Variants in RNF115 observed in about 807,000 individuals in gnomAD.
RNF115 encodes ring finger protein 115.
In RNF115, 31 loss-of-function variants were observed where a neutral mutation model predicts 39.2. That is an observed-to-expected ratio of 0.79 (90% CI 0.59 to 1.07). RNF115 has a LOEUF of 1.07. RNF115 is among the 50% of genes least tolerant of loss of function. RNF115 has a pLI of 0.00. For synonymous variants in RNF115, 124 were observed against 131.0 expected, an observed-to-expected ratio of 0.95 and a Z score of 0.37; for missense variants, 384 against 381.7, an observed-to-expected ratio of 1.01 and a Z score of -0.05.
rs587699156 is a variant in RNF115, at chr1:145,784,207, G to C, written c.219+332C>G. Among the ~76,000 whole-genome samples, 38 of 152,290 alleles carry C rather than the reference G, an allele frequency of 2.5e-4. No individual in the cohort carries two copies. In the South Asian group the frequency reaches 7.5e-3, roughly 30 times the overall value. On this transcript the variant is annotated intron_variant, in intron 3 of 8. Transcript: ENST00000582693. ...TTGTCACACCACTAAAGCAGAGTCT[G>C]CAACACTGTTATTTCAAAAACAGCA...
Position 145,823,974 on chromosome 1 carries a change from G to T in RNF115, c.-101C>A. 1.2e-6 allele frequency: 1 copy of T among 833,232 alleles called. No individual in the cohort carries two copies. Among genetic ancestry groups the T allele is most frequent in the Non-Finnish European group, 1.7e-6 (1 of 585,656 alleles). The allele number at this position is 833,232 out of a possible 1,614,324, so 51.6% of individuals were successfully genotyped here. On this transcript the variant is annotated 5_prime_UTR_variant, in exon 1 of 9. Transcript: ENST00000582693. The stretch of plus-strand genomic sequence containing the variant: ...TCGTCGCCGCCGCCGCCGCCTCGGT[G>T]CGGCCCACCGCTTCAGAGCCCGCGT...
Position 145,789,700 on chromosome 1 carries a change from CTTTTTTTT to C in RNF115, c.103-742_103-735del, listed in dbSNP as rs67276251. ...GGTGTGAGCCACCACACCCGGACTT[CTTTTTTTT>C]TTTTTTTTTTTTTTTTTGAGATGGA... is the stretch of plus-strand genomic sequence containing the variant. On this transcript the variant is annotated intron_variant, in intron 1 of 8. Coordinates refer to ENST00000582693, the MANE Select transcript of RNF115 (RefSeq NM_014455.4). 7.5e-4 allele frequency among the ~76,000 whole-genome samples: 65 copies of C among 86,758 alleles called. No individual in the cohort carries two copies. The East Asian group carries it at 8.7e-3, about 12-fold the overall frequency. The allele number at this position is 86,758 out of a possible 152,430, so 56.9% of individuals were successfully genotyped here.
In RNF115 at chr1:145,746,623, TTAAG is replaced by T. The variant is rs1657889173; in HGVS notation, c.*239_*242del. On this transcript the variant is annotated 3_prime_UTR_variant, in exon 9 of 9. Transcript: ENST00000582693. ...TTCAGACGGGGGGAGCCCTACATAA[TTAAG>T]TTTCACACTTATAAAATTATCACTC... 1 of 447,888 alleles carries T rather than the reference TTAAG, an allele frequency of 2.2e-6. No individual in the cohort carries two copies. The highest frequency in any genetic ancestry group is 3.4e-5 in the South Asian group (1 of 29,598). 27.7% of individuals were successfully genotyped at this position (447,888 alleles called of 1,614,324 possible).
At chr1:145,793,417 C>G (rs1648772213) in intron 1 of RNF115, among the ~76,000 whole-genome samples, 1 of 152,138 alleles carries the variant, frequency 6.6e-6, no homozygotes, top group African/African-American at 2.4e-5. Context: ...ATTCTAATGT[C>G]TAAAATTAAA....
intron 1 of RNF115, among the ~76,000 whole-genome samples, chr1:145,808,358 T>C (rs1477895586): frequency 6.6e-5 from 10 of 152,204 alleles, no homozygotes; most frequent in African/African-American, 1.9e-4. Context: ...TCTGTTATTT[T>C]TGTCTTTTTA....
chr1:145,796,864 T>C (rs1283897744), intron 1 of RNF115, among the ~76,000 whole-genome samples: 4 of 152,182 alleles, frequency 2.6e-5, no homozygotes, highest in African/African-American at 9.7e-5. Context: ...TTTCTATGAA[T>C]TTATAATTTT....
chr1:145,750,530 G>C, intron 6 of RNF115, 30 bp from the exon 7 acceptor site: 1 of 1,560,024 alleles, frequency 6.4e-7, no homozygotes, highest in Non-Finnish European at 8.8e-7. Flanking sequence ...AAAAGACGAA[G>C]TGGCAGACAT....
In RNF115 at chr1:145,771,864, C is replaced by T. The variant is rs1553715822; in HGVS notation, c.275G>A (p.Ser92Asn). ...MFFQDFRPFL[S>N]SSPLDQDNRA... ...ATTATCTTGGTCCAGTGGACTGCTA[C>T]TTAGAAAGGGTCTAAAATCTTGAAA... The change falls in exon 4 of 9, where the codon AGT becomes AAT. Residue 92 changes from serine (S) to asparagine (N), a missense_variant. Transcript: ENST00000582693. 1 of 1,614,106 alleles carries T rather than the reference C, an allele frequency of 6.2e-7. No homozygotes were observed. The highest frequency in any genetic ancestry group is 8.5e-7 in the Non-Finnish European group (1 of 1,180,002).
intron 4 of RNF115, among the ~76,000 whole-genome samples, chr1:145,758,147 G>T (rs1213741490): frequency 6.6e-6 from 1 of 152,174 alleles, no homozygotes; most frequent in African/African-American, 2.4e-5. Flanking sequence ...CAGACAAAAT[G>T]TAGCAGGAAT....
intron 6 of RNF115, 33 bp downstream of exon 6, chr1:145,751,405 C>A: frequency 6.7e-7 from 1 of 1,487,878 alleles, no homozygotes; most frequent in African/African-American, 1.4e-5. Flanking sequence ...ATGAGACACA[C>A]TGAACAGACA....
intron 2 of RNF115, chr1:145,786,987 G>A (rs1346826127): frequency 1.5e-5 from 16 of 1,079,616 alleles, no homozygotes; most frequent in African/African-American, 3.3e-5. Flanking sequence ...CCAATCATTA[G>A]TAAAGTAAAA....
chr1:145,771,868 G>C lies in RNF115; in HGVS notation c.271C>G (p.Leu91Val). 1 of 1,614,084 alleles carries C rather than the reference G, an allele frequency of 6.2e-7. No individual in the cohort carries two copies. The highest frequency in any genetic ancestry group is 8.5e-7 in the Non-Finnish European group (1 of 1,179,988). Residue 91 changes from leucine (L) to valine (V), a missense_variant, in exon 4 of 9, where the codon CTA (leucine) becomes GTA (valine). Leu to Val is a conservative substitution (Grantham distance 32). Transcript: ENST00000582693. ...TCTTGGTCCAGTGGACTGCTACTTAGAAAGGGTCTAAAATCTTGAAAAAAC... is the reference window on the plus strand; with the variant it reads ...TCTTGGTCCAGTGGACTGCTACTTACAAAGGGTCTAAAATCTTGAAAAAAC... ...TMFFQDFRPFLSSSPLDQDNR... is the reference protein window; with the variant it reads ...TMFFQDFRPFVSSSPLDQDNR...
chr1:145,817,605 A>AT (rs1289799787), intron 1 of RNF115, among the ~76,000 whole-genome samples: 2 of 134,194 alleles, frequency 1.5e-5, no homozygotes, highest in African/African-American at 2.6e-5. Context: ...TTCTACACAT[A>AT]TTTTTTTTGA....
intron 1 of RNF115, among the ~76,000 whole-genome samples, chr1:145,801,395 TCTCTA>T (rs1318296287): frequency 6.6e-6 from 1 of 151,698 alleles, no homozygotes; most frequent in East Asian, 2.0e-4. Context: ...CAAAACCCCG[TCTCTA>T]CTAAAAATAC....
At chr1:145,750,368 G>T (rs782566903) in intron 7 of RNF115, 39 bp downstream of exon 7, 1 of 1,466,560 alleles carries the variant, frequency 6.8e-7, no homozygotes, top group South Asian at 1.2e-5. Context: ...TTTGAACCGA[G>T]ATCAGAAGAT....
rs2101438671 is a variant in RNF115, at chr1:145,743,879, A to G, written c.*2987T>C. 6.6e-6 allele frequency: 1 copy of G among 152,136 alleles called. No homozygotes were observed. The highest frequency in any genetic ancestry group is 1.9e-4 in the East Asian group (1 of 5,182). The allele number at this position is 152,136 out of a possible 1,614,324, so 9.4% of individuals were successfully genotyped here. On this transcript the variant is annotated 3_prime_UTR_variant, in exon 9 of 9. Transcript: ENST00000582693. ...CTCCTCAACATAAATTAACCTGGAC[A>G]TCTGAGGTGCCTGCCATTATAAGAA...
rs1553710890 is a variant in RNF115, at chr1:145,740,774, TG to T, written c.*6091del. 6.6e-6 allele frequency: 1 copy of T among 152,254 alleles called. No homozygotes were observed. Among genetic ancestry groups the T allele is most frequent in the African/African-American group, 2.4e-5 (1 of 41,470 alleles). The allele number at this position is 152,254 out of a possible 1,614,324, so 9.4% of individuals were successfully genotyped here. A position where few individuals can be genotyped will look rare whatever the true frequency, so the allele number is the denominator to read the frequency against. On this transcript the variant is annotated 3_prime_UTR_variant, in exon 9 of 9. Coordinates refer to ENST00000582693, the MANE Select transcript of RNF115 (RefSeq NM_014455.4). ...CATTACTGAAATCATAGCAGCTTTT[TG>T]TTATGTATTCTTTAATCAAAAATAC... is the stretch of plus-strand genomic sequence containing the variant.
intron 5 of RNF115, among the ~76,000 whole-genome samples, chr1:145,752,081 G>C (rs1307854956): frequency 6.6e-6 from 1 of 151,994 alleles, no homozygotes; most frequent in Non-Finnish European, 1.5e-5. Context: ...CCAGACTACT[G>C]GATGACAGAG....
chr1:145,770,413 T>A (rs758810690), intron 4 of RNF115, among the ~76,000 whole-genome samples: 7 of 152,056 alleles, frequency 4.6e-5, no homozygotes, highest in African/African-American at 1.7e-4. Context: ...ACTAAGATAA[T>A]GGAAATTTTC....
Sources: allele counts gnomAD v4.1 joint callset (sites outside exome capture counted in the v4.1 genomes callset), GRCh38; gene constraint gnomAD v4.1.1; transcripts MANE v1.5; gene names NCBI Gene and HGNC (gene_info 2026-07-23, HGNC 2026-07-21).